The following CCR5AS variants were observed in gnomAD, a reference collection of about 807,000 sequenced individuals.
CCR5AS encodes the protein CCR5 antisense RNA.
At chr3:46,401,947 C>T (rs556201526) in intron 1 of CCR5AS, among the ~76,000 whole-genome samples, 21 of 152,120 alleles carry the variant, frequency 1.4e-4, no homozygotes, top group African/African-American at 5.1e-4. Context: ...TTTTGGGAAA[C>T]ACTCCATACC....
At chr3:46,373,938 C>G (rs1377266303) in intron 2 of CCR5AS, 3 of 1,572,318 alleles carry the variant, frequency 1.9e-6, no homozygotes, top group East Asian at 2.3e-5. Context: ...CACTGGGGAG[C>G]AGGAAATATC....
chr3:46,383,135 G>A (rs546410485), intron 2 of CCR5AS, among the ~76,000 whole-genome samples: 23 of 152,344 alleles, frequency 1.5e-4, no homozygotes, highest in South Asian at 4.1e-4. Flanking sequence ...AGCACTGGCC[G>A]ACCAGAGTCA....
At chr3:46,406,724 A>C (rs1034547701) in intron 1 of CCR5AS, among the ~76,000 whole-genome samples, 1 of 151,984 alleles carries the variant, frequency 6.6e-6, no homozygotes, top group Non-Finnish European at 1.5e-5. Context: ...CTCAGTGTTG[A>C]CACCCAGGGC....
chr3:46,392,323 C>T (rs903539979), intron 2 of CCR5AS, among the ~76,000 whole-genome samples: 1 of 152,130 alleles, frequency 6.6e-6, no homozygotes, highest in Admixed American at 6.5e-5. Context: ...TTACCCCACT[C>T]TGGTGCCAAC....
intron 2 of CCR5AS, chr3:46,375,292 C>T (rs1158452744): frequency 1.2e-5 from 2 of 167,006 alleles, no homozygotes; most frequent in African/African-American, 2.4e-5. Flanking sequence ...CATACTTCAG[C>T]TCACACATGA....
chr3:46,390,298 T>C (rs1215676482), intron 2 of CCR5AS, among the ~76,000 whole-genome samples: 2 of 151,912 alleles, frequency 1.3e-5, no homozygotes, highest in Non-Finnish European at 2.9e-5. Flanking sequence ...GTATTGAAGA[T>C]AGGAGGGTGT....
rs151186416 is a variant in CCR5AS, at chr3:46,382,416, C to T, written n.391+10409G>A. Among the ~76,000 whole-genome samples, 331 of 152,308 alleles carry T rather than the reference C, an allele frequency of 2.2e-3. 1 individual carries two copies. The highest frequency in any genetic ancestry group is 5.8e-3 in the Admixed American group (89 of 15,290). On this transcript the variant is annotated intron_variant and non_coding_transcript_variant, in intron 2 of 3. Coordinates refer to ENST00000451485, the Ensembl canonical transcript of CCR5AS. Reference sequence around the variant, plus strand: ...AAACTGGGAGATCCACTCGGAACCCCCTCCTGCACGAGAGACCTTTTCTCT... The same window carrying T: ...AAACTGGGAGATCCACTCGGAACCCTCTCCTGCACGAGAGACCTTTTCTCT...
At chr3:46,386,033 C>T (rs1001155829) in intron 2 of CCR5AS, among the ~76,000 whole-genome samples, 2 of 152,014 alleles carry the variant, frequency 1.3e-5, no homozygotes, top group Non-Finnish European at 2.9e-5. Context: ...AACCTCAGCC[C>T]CCCAAGTAGC....
chr3:46,404,519 G>A (rs1255334175), intron 1 of CCR5AS, among the ~76,000 whole-genome samples: 2 of 151,692 alleles, frequency 1.3e-5, no homozygotes, highest in Admixed American at 6.6e-5. Flanking sequence ...TGTATTTTTA[G>A]TAGAGATGAA....
chr3:46,377,481 C>A lies in CCR5AS; in HGVS notation n.392-6064G>T, dbSNP rs542687676. Among the ~76,000 whole-genome samples the A allele has an allele frequency of 5.3e-5, 8 of 152,276 alleles. No individual in the cohort carries two copies. In the South Asian group the frequency reaches 1.7e-3, roughly 32 times the overall value. On this transcript the variant is annotated intron_variant and non_coding_transcript_variant, in intron 2 of 3. Coordinates refer to ENST00000451485, the Ensembl canonical transcript of CCR5AS. ...TGGGATTCTGTTTACATTTTGTACT[C>A]CAGGGGTTCTTAGTTTAAATCGCTC...
At chr3:46,376,961 C>T (rs944271590) in intron 2 of CCR5AS, among the ~76,000 whole-genome samples, 2 of 152,084 alleles carry the variant, frequency 1.3e-5, no homozygotes, top group Admixed American at 1.3e-4. Flanking sequence ...CTTGTCCCTA[C>T]CAAGACTTGA....
At chr3:46,393,820 A>G (rs558459761) in intron 1 of CCR5AS, among the ~76,000 whole-genome samples, 2 of 152,346 alleles carry the variant, frequency 1.3e-5, no homozygotes, top group Admixed American at 1.3e-4. Context: ...TGGCTCAGCT[A>G]AAACCTGAGA....
At chr3:46,386,313 G>A (rs923562806) in intron 2 of CCR5AS, among the ~76,000 whole-genome samples, 20 of 152,188 alleles carry the variant, frequency 1.3e-4, no homozygotes, top group Admixed American at 3.9e-4. Flanking sequence ...TTGTGACAGC[G>A]TCAACAGCCT....
intron 2 of CCR5AS, among the ~76,000 whole-genome samples, chr3:46,377,712 C>CT (rs952969823): frequency 4.8e-4 from 70 of 145,754 alleles, no homozygotes; most frequent in Admixed American, 5.5e-4. Context: ...ATGAACTTTC[C>CT]TTTTTTTTTT....
intron 2 of CCR5AS, among the ~76,000 whole-genome samples, chr3:46,390,421 GT>G: frequency 6.6e-6 from 1 of 152,292 alleles, no homozygotes; most frequent in Non-Finnish European, 1.5e-5. Context: ...TAGGGGAGTT[GT>G]AAGGAGAATT....
chr3:46,368,731 C>T (rs1207355675), intron 3 of CCR5AS, among the ~76,000 whole-genome samples: 10 of 152,156 alleles, frequency 6.6e-5, no homozygotes, highest in Non-Finnish European at 1.5e-4. Context: ...AGTATCTTGC[C>T]GAGGTCACAC....
intron 2 of CCR5AS, chr3:46,375,242 A>G (rs750437295): frequency 1.8e-5 from 3 of 166,964 alleles, no homozygotes; most frequent in Non-Finnish European, 4.4e-5. Flanking sequence ...CTCCAGGAGG[A>G]GACTAGATTT....
At chr3:46,376,091 C>T (rs997004635) in intron 2 of CCR5AS, 4 of 167,076 alleles carry the variant, frequency 2.4e-5, no homozygotes, top group African/African-American at 7.2e-5. Flanking sequence ...ACCCTACCCT[C>T]TGGGCCAAGT....
chr3:46,369,706 G>C (rs955527499), intron 3 of CCR5AS, among the ~76,000 whole-genome samples: 3 of 152,102 alleles, frequency 2.0e-5, no homozygotes, highest in African/African-American at 7.2e-5. Flanking sequence ...CTAGATGCTG[G>C]CCGTGGATGC....
Sources: allele counts gnomAD v4.1 joint callset (sites outside exome capture counted in the v4.1 genomes callset), GRCh38; gene constraint gnomAD v4.1.1; transcripts MANE v1.5; gene names NCBI Gene and HGNC (gene_info 2026-07-23, HGNC 2026-07-21).